CPNE9: variants seen among roughly 807,000 people sequenced by gnomAD.
CPNE9 encodes copine-9.
CPNE9 carries 59 observed loss-of-function variants against 83.0 expected under a neutral mutation model. That is an observed-to-expected ratio of 0.71 (90% CI 0.58 to 0.88). CPNE9 has a LOEUF of 0.88. CPNE9 is among the 40% of genes least tolerant of loss of function. The probability of loss-of-function intolerance (pLI) is 0.00; values close to 1 mark genes in which losing one functional copy is unlikely to be tolerated. For synonymous variants in CPNE9, 256 were observed against 273.4 expected, an observed-to-expected ratio of 0.94 and a Z score of 0.63; for missense variants, 619 against 720.8, an observed-to-expected ratio of 0.86 and a Z score of 1.62.
At chr3:9,728,750 C>G (rs1009490802) in intron 20 of CPNE9, among the ~76,000 whole-genome samples, 3 of 151,690 alleles carry the variant, frequency 2.0e-5, no homozygotes, top group African/African-American at 4.8e-5. Context: ...TTATCAGCCC[C>G]TCTCCCCCCA....
chr3:9,715,099 TC>T (rs546671159), intron 11 of CPNE9, 144 bp downstream of exon 11: 1 of 909,572 alleles, frequency 1.1e-6, no homozygotes. Context: ...GTACAACTGA[TC>T]CCCCCAATTG....
chr3:9,708,339 CGAGA>C (rs1364224655), intron 7 of CPNE9, among the ~76,000 whole-genome samples: 2 of 151,684 alleles, frequency 1.3e-5, no homozygotes, highest in African/African-American at 4.8e-5. Context: ...AAGAGGGAGA[CGAGA>C]GAGAGAGAAC....
In CPNE9 at chr3:9,704,657, C is replaced by T. The variant is rs1386299680; in HGVS notation, c.109+30C>T. ...GCGGCTCCAGGACCGGGAGGGGGAA[C>T]TTGGGGTCTGGGCGCGACTCAGGGG... On this transcript the variant is annotated intron_variant, in intron 2 of 20. Coordinates refer to ENST00000383832, the MANE Select transcript of CPNE9 (RefSeq NM_153635.3). The surrounding 1 kb of genome is among the most constrained non-coding windows in gnomAD (Gnocchi z 7.1). 2 of 1,613,124 alleles carry T rather than the reference C, an allele frequency of 1.2e-6. No homozygotes were observed. The highest frequency in any genetic ancestry group is 1.7e-5 in the Admixed American group (1 of 60,028).
chr3:9,725,698 G>GTATATATGTATATATGTA (rs1489780475), intron 17 of CPNE9, among the ~76,000 whole-genome samples: 9 of 105,620 alleles, frequency 8.5e-5, no homozygotes, highest in African/African-American at 3.1e-4. Context: ...ACATATATGT[G>GTATATATGTATATATGTA]TATATATGTG....
chr3:9,707,578 T>C (rs2125460457), intron 7 of CPNE9, among the ~76,000 whole-genome samples: 1 of 151,140 alleles, frequency 6.6e-6, no homozygotes, highest in South Asian at 2.1e-4. Flanking sequence ...ATCTTTGGCT[T>C]GAACAACAGG....
chr3:9,719,818 C>G (rs1575128836), intron 17 of CPNE9, among the ~76,000 whole-genome samples: 3 of 151,674 alleles, frequency 2.0e-5, no homozygotes, highest in Admixed American at 2.0e-4. Context: ...ATGGTGAAAC[C>G]CCGTCTCTAC....
chr3:9,727,260 CT>C (rs2076793019), intron 20 of CPNE9, 74 bp downstream of exon 20: 2 of 1,461,478 alleles, frequency 1.4e-6, no homozygotes, highest in Non-Finnish European at 1.9e-6. Context: ...GCCACTTTCA[CT>C]TACTGCCTTC....
At chr3:9,717,208 C>G in intron 15 of CPNE9, 104 bp downstream of exon 15, 1 of 1,244,546 alleles carries the variant, frequency 8.0e-7, no homozygotes, top group South Asian at 1.2e-5. Flanking sequence ...TTTACCTACC[C>G]AAGAAGCCCA....
At position 9,721,207 on chromosome 3, in the gene CPNE9, A is replaced by C. The variant is rs186905907; in HGVS notation, c.1241+2605A>C. ...GGTGCAGGAGACAGAAATATAAATA[A>C]ATCATTACCTTCTGTAGACCAGAGC... On this transcript the variant is annotated intron_variant, in intron 17 of 20. Coordinates refer to ENST00000383832, the MANE Select transcript of CPNE9 (RefSeq NM_153635.3). 4.2e-3 allele frequency among the ~76,000 whole-genome samples: 633 copies of C among 152,288 alleles called. 4 individuals carry two copies. The highest frequency in any genetic ancestry group is 0.015 in the African/African-American group (605 of 41,558).
intron 17 of CPNE9, among the ~76,000 whole-genome samples, chr3:9,720,486 TATTA>T (rs1257555003): frequency 2.6e-5 from 4 of 152,202 alleles, no homozygotes; most frequent in African/African-American, 4.8e-5. Flanking sequence ...ATCACTCAGG[TATTA>T]ATTCTAGTAG....
chr3:9,725,646 G>GTATGTGTATATATGTA (rs2076773317), intron 17 of CPNE9, among the ~76,000 whole-genome samples: 1 of 65,074 alleles, frequency 1.5e-5, no homozygotes, highest in Non-Finnish European at 2.9e-5. Flanking sequence ...ACATGTATGT[G>GTATGTGTATATATGTA]TATATATGTG....
intron 7 of CPNE9, among the ~76,000 whole-genome samples, chr3:9,711,306 G>A (rs1436818223): frequency 3.9e-5 from 6 of 152,056 alleles, no homozygotes; most frequent in African/African-American, 7.2e-5. Context: ...GGGTTCAAGC[G>A]ATTCTCCTCC....
chr3:9,725,646 GTATA>G lies in CPNE9; in HGVS notation c.1242-299_1242-296del, dbSNP rs1056500870. Among the ~76,000 whole-genome samples, 35 of 65,120 alleles carry G rather than the reference GTATA, an allele frequency of 5.4e-4. No individual in the cohort carries two copies. The East Asian group carries it at 0.013, about 25-fold the overall frequency. 42.7% of individuals were successfully genotyped at this position (65,120 alleles called of 152,430 possible). On this transcript the variant is annotated intron_variant, in intron 17 of 20. Coordinates refer to ENST00000383832, the MANE Select transcript of CPNE9 (RefSeq NM_153635.3). ...TATATATATGTATATACATGTATGT[GTATA>G]TATGTGTATATATGTATATATATGT...
intron 17 of CPNE9, among the ~76,000 whole-genome samples, chr3:9,721,440 A>G (rs1425947200): frequency 6.6e-6 from 1 of 152,206 alleles, no homozygotes; most frequent in East Asian, 1.9e-4. Context: ...AAGTACTTAT[A>G]GTCTTATGTA....
intron 14 of CPNE9, among the ~76,000 whole-genome samples, chr3:9,716,360 G>A (rs1489578409): frequency 6.6e-6 from 1 of 152,156 alleles, no homozygotes; most frequent in Non-Finnish European, 1.5e-5. Context: ...TAGAAGAGAG[G>A]GCACAACCAA....
chr3:9,716,334 A>C (rs2076683597), intron 14 of CPNE9, among the ~76,000 whole-genome samples: 1 of 152,212 alleles, frequency 6.6e-6, no homozygotes, highest in Non-Finnish European at 1.5e-5. Context: ...AGTTATAGTC[A>C]GGCAAGAGGG....
intron 17 of CPNE9, among the ~76,000 whole-genome samples, chr3:9,725,716 G>T (rs2076778306): frequency 6.9e-6 from 1 of 145,776 alleles, no homozygotes; most frequent in African/African-American, 2.5e-5. Context: ...GTGTATATAT[G>T]TGTATATGTA....
chr3:9,713,724 T>C (rs1347712155), intron 10 of CPNE9, among the ~76,000 whole-genome samples: 2 of 151,986 alleles, frequency 1.3e-5, no homozygotes, highest in Non-Finnish European at 2.9e-5. Context: ...GATGGATGGG[T>C]ATAAATTAGA....
At chr3:9,708,908 A>G (rs1328685646) in intron 7 of CPNE9, among the ~76,000 whole-genome samples, 2 of 150,680 alleles carry the variant, frequency 1.3e-5, no homozygotes, top group African/African-American at 2.4e-5. Context: ...TACTGGGATT[A>G]CAGGCGTGAG....
Sources: gnomAD v4.1 joint callset for allele counts (sites outside exome capture counted in the v4.1 genomes callset) on GRCh38, gnomAD v4.1.1 for gene constraint, Gnocchi (gnomAD v3.1) non-coding constraint, MANE v1.5 for transcripts, NCBI Gene and HGNC (gene_info 2026-07-23, HGNC 2026-07-21) for gene names.